The following MMP16 variants were observed in gnomAD, a reference collection of about 807,000 sequenced individuals.
MMP16 encodes the protein matrix metallopeptidase 16.
MMP16 carries 12 observed loss-of-function variants against 67.8 expected under a neutral mutation model. The ratio of observed to expected loss-of-function variants is 0.18; its 90% CI spans 0.11 to 0.29. The LOEUF is 0.29. Among genes scored for constraint, MMP16 ranks in the 10% least tolerant of loss-of-function variants. The pLI, the probability that MMP16 is intolerant of heterozygous loss-of-function variation, is 1.00. For synonymous variants in MMP16, 249 were observed against 255.9 expected (o/e 0.97, Z 0.26); for missense variants, 475 against 765.7 (o/e 0.62, Z 4.48).
At chr8:88,159,058 G>C (rs994010533) in intron 4 of MMP16, among the ~76,000 whole-genome samples, 1 of 152,102 alleles carries the variant, frequency 6.6e-6, no homozygotes, top group South Asian at 2.1e-4. Flanking sequence ...ATGCTGTTTT[G>C]GTTACTGTAG....
chr8:88,285,511 GA>G (rs1396708120), intron 1 of MMP16, among the ~76,000 whole-genome samples: 2 of 152,074 alleles, frequency 1.3e-5, no homozygotes, highest in Non-Finnish European at 2.9e-5. Context: ...GCTCCTCCAT[GA>G]AAAGTTCTTC....
chr8:88,180,392 G>A (rs1462976143), intron 3 of MMP16, among the ~76,000 whole-genome samples: 1 of 151,478 alleles, frequency 6.6e-6, no homozygotes, highest in Non-Finnish European at 1.5e-5. Context: ...TTTCCTGCAA[G>A]AAACCTGCCT....
intron 5 of MMP16, 60 bp downstream of exon 5, chr8:88,118,640 C>A: frequency 6.8e-7 from 1 of 1,474,066 alleles, no homozygotes; most frequent in Non-Finnish European, 9.4e-7. Context: ...AAGAAGAAAA[C>A]ACAGCAGAAA....
chr8:88,145,200 T>C (rs773051918), intron 4 of MMP16, among the ~76,000 whole-genome samples: 9 of 151,964 alleles, frequency 5.9e-5, no homozygotes, highest in Non-Finnish European at 8.8e-5. Flanking sequence ...TGGTAGAGCT[T>C]ACTACACACC....
chr8:88,098,615 A>G (rs897270751), intron 6 of MMP16, among the ~76,000 whole-genome samples: 3 of 152,034 alleles, frequency 2.0e-5, no homozygotes, highest in African/African-American at 7.2e-5. Context: ...TTACTACTAC[A>G]GATTAAAGGA....
intron 4 of MMP16, among the ~76,000 whole-genome samples, chr8:88,124,039 T>A (rs1807885723): frequency 6.6e-6 from 1 of 152,072 alleles, no homozygotes; most frequent in African/African-American, 2.4e-5. Context: ...AAATGTTTAT[T>A]GCAATCATTT....
At chr8:88,046,936 A>T (rs1170319264) in intron 8 of MMP16, 152 bp from the exon 9 acceptor site, 2 of 485,442 alleles carry the variant, frequency 4.1e-6, no homozygotes, top group Non-Finnish European at 7.2e-6. Flanking sequence ...CAGAACTCCA[A>T]CTGGCAAGCT....
intron 4 of MMP16, among the ~76,000 whole-genome samples, chr8:88,157,580 T>G (rs1808532066): frequency 1.3e-5 from 2 of 151,962 alleles, no homozygotes; most frequent in South Asian, 4.2e-4. Context: ...GATAGAGTGT[T>G]TAGACAGAGC....
intron 1 of MMP16, among the ~76,000 whole-genome samples, chr8:88,224,501 C>T (rs927566691): frequency 1.3e-5 from 2 of 151,910 alleles, no homozygotes; most frequent in African/African-American, 4.8e-5. Context: ...GCCACTTGTA[C>T]ACAAAATGCT....
chr8:88,276,147 A>G (rs965871861), intron 1 of MMP16, among the ~76,000 whole-genome samples: 6 of 152,244 alleles, frequency 3.9e-5, no homozygotes, highest in Admixed American at 2.6e-4. Context: ...TAAAATTTGC[A>G]GAATTGGACA....
chr8:88,284,766 A>G (rs1259681870), intron 1 of MMP16, among the ~76,000 whole-genome samples: 1 of 151,776 alleles, frequency 6.6e-6, no homozygotes, highest in African/African-American at 2.4e-5. Context: ...GCCAACTCGG[A>G]ACTGCTTTAA....
chr8:88,179,131 A>T (rs1241402151), intron 3 of MMP16, among the ~76,000 whole-genome samples: 1 of 151,934 alleles, frequency 6.6e-6, no homozygotes, highest in African/African-American at 2.4e-5. Flanking sequence ...TATAAATATA[A>T]AAAAAACTAT....
intron 1 of MMP16, among the ~76,000 whole-genome samples, chr8:88,212,916 C>T (rs1160498690): frequency 3.3e-5 from 5 of 152,008 alleles, no homozygotes; most frequent in East Asian, 1.9e-4. Context: ...AAATAGTTAC[C>T]TCCTGGGGAA....
chr8:88,083,520 G>A (rs766074529), intron 6 of MMP16, among the ~76,000 whole-genome samples: 29 of 152,056 alleles, frequency 1.9e-4, no homozygotes, highest in Non-Finnish European at 4.0e-4. Flanking sequence ...AAAAATGGCT[G>A]CAATTGGGTA....
At chr8:88,086,127 G>T (rs1808830137) in intron 6 of MMP16, among the ~76,000 whole-genome samples, 1 of 151,736 alleles carries the variant, frequency 6.6e-6, no homozygotes, top group Non-Finnish European at 1.5e-5. Flanking sequence ...TGAAAGATGG[G>T]TGTGTGCTGA....
chr8:88,118,188 T>C (rs1374549287), intron 5 of MMP16, among the ~76,000 whole-genome samples: 1 of 152,074 alleles, frequency 6.6e-6, no homozygotes, highest in Admixed American at 6.6e-5. Context: ...CAATAAATCA[T>C]TATATGACTT....
chr8:88,184,746 CAAAAAAAAAAAAAAAAA>C (rs61606557), intron 3 of MMP16, among the ~76,000 whole-genome samples: 7 of 47,494 alleles, frequency 1.5e-4, no homozygotes, highest in South Asian at 1.1e-3. Context: ...GGCCCTGTCT[CAAAAAAAAAAAAAAAAA>C]AAAAAAAAAA....
At chr8:88,241,762 A>C (rs1438434739) in intron 1 of MMP16, among the ~76,000 whole-genome samples, 1 of 152,040 alleles carries the variant, frequency 6.6e-6, no homozygotes, top group Non-Finnish European at 1.5e-5. Context: ...GTACAGTGTG[A>C]TATTCTGATA....
At chr8:88,127,253 T>G (rs1807950339) in intron 4 of MMP16, among the ~76,000 whole-genome samples, 1 of 151,892 alleles carries the variant, frequency 6.6e-6, no homozygotes, top group South Asian at 2.1e-4. Context: ...AACACAGTAC[T>G]ATGAAAGTCT....
Sources: allele counts gnomAD v4.1 joint callset (sites outside exome capture counted in the v4.1 genomes callset), GRCh38; gene constraint gnomAD v4.1.1; transcripts MANE v1.5; gene names NCBI Gene and HGNC (gene_info 2026-07-23, HGNC 2026-07-21).